The following PTPRD variants were observed in gnomAD, a reference collection of about 807,000 sequenced individuals.
PTPRD encodes protein tyrosine phosphatase receptor type D.
Under a neutral mutation model 214.5 loss-of-function variants are expected in PTPRD, and 34 were observed. The observed-to-expected ratio is 0.16, with a 90% CI of 0.12 to 0.21. The LOEUF (loss-of-function observed/expected upper bound fraction) is 0.21, where lower values mean the gene tolerates loss of function less well. Among genes scored for constraint, PTPRD ranks in the 10% least tolerant of loss-of-function variants. The pLI is 1.00. For synonymous variants in PTPRD, 1,128 were observed against 845.7 expected (o/e 1.33, Z -5.79); for missense variants, 2,545 against 2,398.7 (o/e 1.06, Z -1.27).
At chr9:8,568,038 T>C (rs548594620) in intron 14 of PTPRD, among the ~76,000 whole-genome samples, 88 of 152,290 alleles carry the variant, frequency 5.8e-4, no homozygotes, top group Non-Finnish European at 7.9e-4. Flanking sequence ...ATTCTCCTAG[T>C]ATGTATCAGA....
chr9:9,970,278 A>G (rs150737932), intron 4 of PTPRD, among the ~76,000 whole-genome samples: 2,458 of 151,760 alleles, frequency 0.016, 41 homozygotes, highest in Non-Finnish European at 0.026. Flanking sequence ...GTGAAACCCC[A>G]TCTCTACTAA....
At chr9:8,916,817 G>A (rs1025927084) in intron 11 of PTPRD, among the ~76,000 whole-genome samples, 1 of 152,072 alleles carries the variant, frequency 6.6e-6, no homozygotes, top group African/African-American at 2.4e-5. Flanking sequence ...GCTATAAAAT[G>A]AATTCTATTA....
chr9:8,878,043 T>C (rs12001347), intron 11 of PTPRD, among the ~76,000 whole-genome samples: 21,333 of 152,198 alleles, frequency 0.14, 1,836 homozygotes, highest in East Asian at 0.28. Flanking sequence ...GTATACACTT[T>C]ATATAATTGA....
intron 2 of PTPRD, among the ~76,000 whole-genome samples, chr9:10,586,578 C>G (rs867574228): frequency 6.6e-6 from 1 of 152,064 alleles, no homozygotes; most frequent in South Asian, 2.1e-4. Flanking sequence ...TAGTAAGAAT[C>G]TAAAAAGAAT....
At chr9:10,566,029 G>C (rs2065493991) in intron 2 of PTPRD, among the ~76,000 whole-genome samples, 1 of 151,822 alleles carries the variant, frequency 6.6e-6, no homozygotes, top group Non-Finnish European at 1.5e-5. Context: ...TTATGTTAAT[G>C]GAAACATACT....
chr9:10,563,028 A>G (rs150868731), intron 2 of PTPRD, among the ~76,000 whole-genome samples: 206 of 152,340 alleles, frequency 1.4e-3, no homozygotes, highest in Non-Finnish European at 2.5e-3. Flanking sequence ...AAGTGAGGCT[A>G]CTACAGAGCC....
chr9:10,291,399 A>G (rs2095523788), intron 3 of PTPRD, among the ~76,000 whole-genome samples: 1 of 152,180 alleles, frequency 6.6e-6, no homozygotes, highest in Non-Finnish European at 1.5e-5. Flanking sequence ...AGGGCAAAAG[A>G]AACTTTTCAG....
intron 30 of PTPRD, among the ~76,000 whole-genome samples, chr9:8,475,282 T>C (rs1036586881): frequency 4.6e-5 from 7 of 152,210 alleles, no homozygotes; most frequent in African/African-American, 1.7e-4. Flanking sequence ...GCAGACCTTT[T>C]AAGATGTTAA....
chr9:10,114,900 T>G (rs2098718275), intron 3 of PTPRD, among the ~76,000 whole-genome samples: 1 of 151,928 alleles, frequency 6.6e-6, no homozygotes, highest in Non-Finnish European at 1.5e-5. Context: ...GATACAGGAT[T>G]TTATTGTAAA....
intron 9 of PTPRD, among the ~76,000 whole-genome samples, chr9:9,339,435 G>T (rs577719715): frequency 6.6e-6 from 1 of 152,068 alleles, no homozygotes; most frequent in African/African-American, 2.4e-5. Context: ...GCAGTGAGCC[G>T]AGATCTCGCC....
At chr9:8,320,400 T>C (rs1213525190) in intron 44 of PTPRD, among the ~76,000 whole-genome samples, 1 of 152,132 alleles carries the variant, frequency 6.6e-6, no homozygotes. Flanking sequence ...CTGTTCACAT[T>C]TTGCAGTTAC....
chr9:8,434,761 A>G (rs1043277909), intron 35 of PTPRD, among the ~76,000 whole-genome samples: 3 of 152,206 alleles, frequency 2.0e-5, no homozygotes, highest in Admixed American at 6.5e-5. Context: ...GACATAACTA[A>G]GAGTTTTTTA....
chr9:10,301,119 C>A (rs531577368), intron 3 of PTPRD, among the ~76,000 whole-genome samples: 2 of 152,188 alleles, frequency 1.3e-5, no homozygotes, highest in Admixed American at 6.5e-5. Context: ...GATACCCAGG[C>A]AAAGAGGGAC....
chr9:10,519,129 T>C (rs1220192765), intron 2 of PTPRD, among the ~76,000 whole-genome samples: 1 of 151,646 alleles, frequency 6.6e-6, no homozygotes, highest in Non-Finnish European at 1.5e-5. Flanking sequence ...GTGAAAACAG[T>C]TAGATAACTC....
intron 7 of PTPRD, among the ~76,000 whole-genome samples, chr9:9,696,882 T>A (rs1369306515): frequency 6.6e-6 from 1 of 152,138 alleles, no homozygotes; most frequent in Non-Finnish European, 1.5e-5. Context: ...TCTCTCTCAC[T>A]TTCTTCCTTT....
At chr9:9,015,281 C>A (rs1462196847) in intron 11 of PTPRD, among the ~76,000 whole-genome samples, 1 of 152,044 alleles carries the variant, frequency 6.6e-6, no homozygotes, top group African/African-American at 2.4e-5. Context: ...GAGGTCAACA[C>A]AAGATACAGA....
chr9:8,968,726 T>C lies in PTPRD; in HGVS notation c.-104+49971A>G, dbSNP rs954185868. ...GAATCCAAATAGTGTGATTTCAGTATCCCTTGTCTTAATTACTATACTGTC... is the reference window on the plus strand; with the variant it reads ...GAATCCAAATAGTGTGATTTCAGTACCCCTTGTCTTAATTACTATACTGTC... On this transcript the variant is annotated intron_variant, in intron 11 of 45. Coordinates refer to ENST00000381196, the MANE Select transcript of PTPRD (RefSeq NM_002839.4). Among the ~76,000 whole-genome samples the C allele has an allele frequency of 3.3e-5, 5 of 152,216 alleles. No individual in the cohort carries two copies. The South Asian group carries it at 1.0e-3, about 32-fold the overall frequency.
chr9:10,110,435 A>T (rs1400173858), intron 3 of PTPRD, among the ~76,000 whole-genome samples: 1 of 152,220 alleles, frequency 6.6e-6, no homozygotes, highest in African/African-American at 2.4e-5. Context: ...CTCTAAAGGG[A>T]TGAGCTCTCC....
At position 8,908,687 on chromosome 9, in the gene PTPRD, T is replaced by A. The variant is rs115392628; in HGVS notation, c.-104+110010A>T. 1.5e-3 allele frequency among the ~76,000 whole-genome samples: 231 copies of A among 151,398 alleles called. 1 individual carries two copies. The highest frequency in any genetic ancestry group is 5.3e-3 in the African/African-American group (219 of 41,380). ...CCTAAGCCTCCATCTTAAGAAACTATAAAAAGAAGAACAAATTAAACCCCA... is the reference window on the plus strand; with the variant it reads ...CCTAAGCCTCCATCTTAAGAAACTAAAAAAAGAAGAACAAATTAAACCCCA... On this transcript the variant is annotated intron_variant, in intron 11 of 45. Transcript: ENST00000381196.
Sources: gnomAD v4.1 joint callset for allele counts (sites outside exome capture counted in the v4.1 genomes callset) on GRCh38, gnomAD v4.1.1 for gene constraint, MANE v1.5 for transcripts, NCBI Gene and HGNC (gene_info 2026-07-23, HGNC 2026-07-21) for gene names.